The following EDN1 variants were observed in gnomAD, a reference collection of about 807,000 sequenced individuals.
EDN1 encodes the protein endothelin-1.
EDN1 carries 11 observed loss-of-function variants against 21.7 expected under a neutral mutation model. The ratio of observed to expected loss-of-function variants is 0.51; its 90% CI spans 0.32 to 0.84. EDN1 has a LOEUF of 0.84. Ranked by LOEUF, EDN1 falls within the 40% of genes least tolerant of loss-of-function variation. The probability of loss-of-function intolerance (pLI) is 0.03; values close to 1 mark genes in which losing one functional copy is unlikely to be tolerated. For missense variants in EDN1, 244 were observed against 262.3 expected (o/e 0.93, Z 0.48); for synonymous variants, 85 against 90.6 (o/e 0.94, Z 0.35).
the EDN1 span, among the ~76,000 whole-genome samples, chr6:12,270,993 C>G: frequency 4.6e-5 from 7 of 152,114 alleles, no homozygotes; most frequent in Non-Finnish European, 1.5e-5. Context: ...GTCATATGTA[C>G]TACTCCTGCT....
chr6:12,270,769 C>T, the EDN1 span, among the ~76,000 whole-genome samples: 1 of 152,132 alleles, frequency 6.6e-6, no homozygotes, highest in African/African-American at 2.4e-5. Context: ...TGGAATGTTC[C>T]GTAATGACTG....
the EDN1 span, among the ~76,000 whole-genome samples, chr6:12,235,203 T>C: frequency 6.6e-6 from 1 of 152,102 alleles, no homozygotes; most frequent in South Asian, 2.1e-4. Flanking sequence ...CACTAAGAGG[T>C]AGATGGTTCT....
chr6:12,272,217 A>G, the EDN1 span, among the ~76,000 whole-genome samples: 1 of 152,128 alleles, frequency 6.6e-6, no homozygotes. Context: ...TTTTTTCTAG[A>G]TAATTCACTA....
intron 1 of EDN1, among the ~76,000 whole-genome samples, 172 bp from the exon 2 acceptor site, chr6:12,292,169 T>C (rs760402816): frequency 1.5e-4 from 22 of 149,776 alleles, no homozygotes; most frequent in Non-Finnish European, 1.5e-5. Context: ...GGTGAACTCA[T>C]GTTAAGGAGG....
the EDN1 span, among the ~76,000 whole-genome samples, chr6:12,248,684 G>A: frequency 1.6e-3 from 244 of 152,342 alleles, 3 homozygotes; most frequent in African/African-American, 5.7e-3. Flanking sequence ...GTGAAAGGGT[G>A]TAGGTTATGT....
chr6:12,255,943 A>G, the EDN1 span, among the ~76,000 whole-genome samples: 4 of 152,220 alleles, frequency 2.6e-5, no homozygotes, highest in Non-Finnish European at 4.4e-5. Flanking sequence ...TACAAGGTAC[A>G]CAATAAAGAG....
the EDN1 span, among the ~76,000 whole-genome samples, chr6:12,239,501 A>G: frequency 1.3e-5 from 2 of 152,218 alleles, no homozygotes; most frequent in Admixed American, 1.3e-4. Context: ...TTTTAGGGGT[A>G]GGGGTAGGCC....
At chr6:12,279,425 T>C in the EDN1 span, among the ~76,000 whole-genome samples, 1 of 152,096 alleles carries the variant, frequency 6.6e-6, no homozygotes, top group African/African-American at 2.4e-5. Flanking sequence ...GTAGGGAAGA[T>C]GAGCTGGGAG....
chr6:12,233,843 C>T, the EDN1 span, among the ~76,000 whole-genome samples: 53 of 152,332 alleles, frequency 3.5e-4, no homozygotes, highest in African/African-American at 1.2e-3. Context: ...CCTCCCTGTA[C>T]TCCTTGAACT....
chr6:12,237,103 T>A, the EDN1 span, among the ~76,000 whole-genome samples: 1 of 151,900 alleles, frequency 6.6e-6, no homozygotes, highest in African/African-American at 2.4e-5. Flanking sequence ...CTTGCTATAG[T>A]TTGCTCAGAA....
the EDN1 span, among the ~76,000 whole-genome samples, chr6:12,280,602 A>G: frequency 4.3e-3 from 653 of 152,282 alleles, 9 homozygotes; most frequent in African/African-American, 0.014. Context: ...TCTGTAATAA[A>G]TGTAGTCCCT....
At chr6:12,268,420 G>A in the EDN1 span, among the ~76,000 whole-genome samples, 1 of 152,048 alleles carries the variant, frequency 6.6e-6, no homozygotes, top group Non-Finnish European at 1.5e-5. Flanking sequence ...TTTTCCCTAT[G>A]TTTTCTTCTA....
At chr6:12,266,625 C>T in the EDN1 span, among the ~76,000 whole-genome samples, 2 of 152,156 alleles carry the variant, frequency 1.3e-5, no homozygotes, top group African/African-American at 4.8e-5. Flanking sequence ...GGACCTCTTG[C>T]CTGGTGCTAA....
the EDN1 span, among the ~76,000 whole-genome samples, chr6:12,239,047 G>A: frequency 6.6e-6 from 1 of 152,156 alleles, no homozygotes; most frequent in Non-Finnish European, 1.5e-5. Context: ...CAGACTTTCA[G>A]CAAGTCCTGT....
chr6:12,282,294 T>C, the EDN1 span, among the ~76,000 whole-genome samples: 2 of 152,136 alleles, frequency 1.3e-5, no homozygotes, highest in South Asian at 4.1e-4. Context: ...ATAGAATGGA[T>C]GTGGTGGGAG....
the EDN1 span, among the ~76,000 whole-genome samples, chr6:12,252,953 G>C: frequency 6.6e-6 from 1 of 152,172 alleles, no homozygotes; most frequent in Non-Finnish European, 1.5e-5. Flanking sequence ...TGAAGAAACT[G>C]AAATCCAACT....
At chr6:12,235,759 T>C in the EDN1 span, among the ~76,000 whole-genome samples, 2 of 152,232 alleles carry the variant, frequency 1.3e-5, no homozygotes, top group Non-Finnish European at 2.9e-5. Context: ...TAGGTGACTA[T>C]TGAGCATTTG....
chr6:12,283,023 G>C, the EDN1 span, among the ~76,000 whole-genome samples: 1 of 152,124 alleles, frequency 6.6e-6, no homozygotes, highest in African/African-American at 2.4e-5. Flanking sequence ...AATTATTCTT[G>C]TAACTATCCC....
rs1419992034 is a variant in EDN1 at position 12,296,306 on chromosome 6, T to C, written c.*239T>C. The C allele has an allele frequency of 1.9e-5, 9 of 485,258 alleles. No individual in the cohort carries two copies. The East Asian group carries it at 2.0e-4, about 11-fold the overall frequency. The allele number at this position is 485,258 out of a possible 1,614,324, so 30.1% of individuals were successfully genotyped here. A position where few individuals can be genotyped will look rare whatever the true frequency, so the allele number is the denominator to read the frequency against. ...CTCTTCTTTCATCTGGGGATGACAA[T>C]GGACCTCTCAGCAGAAACACACAGT... is the stretch of plus-strand genomic sequence containing the variant. On this transcript the variant is annotated 3_prime_UTR_variant, in exon 5 of 5. Transcript: ENST00000379375.
Sources: allele counts gnomAD v4.1 joint callset (sites outside exome capture counted in the v4.1 genomes callset), GRCh38; gene constraint gnomAD v4.1.1; transcripts MANE v1.5; gene names NCBI Gene and HGNC (gene_info 2026-07-23, HGNC 2026-07-21).